Variants in MYO16 observed in about 807,000 individuals in gnomAD.
The protein encoded by MYO16 is myosin XVI.
MYO16 carries 94 observed loss-of-function variants against 205.3 expected under a neutral mutation model. The ratio of observed to expected loss-of-function variants is 0.46; its 90% CI spans 0.39 to 0.54. MYO16 has a LOEUF of 0.54. Ranked by LOEUF, MYO16 falls within the 20% of genes least tolerant of loss-of-function variation. The pLI is 0.00. For missense variants in MYO16, 2,315 were observed against 2,387.5 expected (o/e 0.97, Z 0.63); for synonymous variants, 988 against 954.0 (o/e 1.04, Z -0.66).
intron 25 of MYO16, chr13:109,054,193 G>T: frequency 5.2e-6 from 1 of 192,580 alleles, no homozygotes; most frequent in South Asian, 6.7e-5. Flanking sequence ...CATTTTCACT[G>T]ATTTTATGTC....
intron 12 of MYO16, among the ~76,000 whole-genome samples, chr13:108,868,926 A>G (rs540895347): frequency 6.6e-6 from 1 of 152,086 alleles, no homozygotes; most frequent in Admixed American, 6.5e-5. Flanking sequence ...TCAAAAAAAA[A>G]AAAAAAATCC....
At chr13:109,171,606 T>TTAA (rs1878926092) in intron 33 of MYO16, among the ~76,000 whole-genome samples, 1 of 152,224 alleles carries the variant, frequency 6.6e-6, no homozygotes. Context: ...TTTTGTATAT[T>TTAA]TAATTATTCC....
At chr13:108,601,882 T>C (rs1878776004) in intron 1 of MYO16, among the ~76,000 whole-genome samples, 1 of 152,014 alleles carries the variant, frequency 6.6e-6, no homozygotes, top group Non-Finnish European at 1.5e-5. Flanking sequence ...GACTTTGAAA[T>C]TGGTGCTCTC....
At chr13:109,117,534 CATAT>C (rs1163938990) in intron 28 of MYO16, among the ~76,000 whole-genome samples, 1 of 147,550 alleles carries the variant, frequency 6.8e-6, no homozygotes, top group Non-Finnish European at 1.5e-5. Context: ...TATACACACA[CATAT>C]ATATATAATG....
At chr13:109,012,933 G>A (rs1313194365) in intron 22 of MYO16, among the ~76,000 whole-genome samples, 1 of 151,616 alleles carries the variant, frequency 6.6e-6, no homozygotes, top group Non-Finnish European at 1.5e-5. Flanking sequence ...TTCCTGTTGA[G>A]TAGGATTTTG....
chr13:108,627,065 G>A (rs753174687), upstream of MYO16, among the ~76,000 whole-genome samples: 49 of 149,468 alleles, frequency 3.3e-4, no homozygotes, highest in Non-Finnish European at 5.5e-4. Context: ...ATATAGAGGA[G>A]GAAATTTTAA....
At chr13:108,856,366 T>C (rs1254643640) in intron 11 of MYO16, among the ~76,000 whole-genome samples, 3 of 152,194 alleles carry the variant, frequency 2.0e-5, no homozygotes. Context: ...GTAATTTTCA[T>C]GTAAATGTGA....
At chr13:108,992,600 A>G in intron 21 of MYO16, 152 bp downstream of exon 21, 1 of 551,842 alleles carries the variant, frequency 1.8e-6, no homozygotes, top group Non-Finnish European at 3.1e-6. Context: ...TGGTTTATCA[A>G]TATATTAACC....
chr13:108,979,494 A>ATT (rs1298739198), intron 20 of MYO16, among the ~76,000 whole-genome samples: 2 of 151,968 alleles, frequency 1.3e-5, no homozygotes, highest in East Asian at 3.9e-4. Context: ...CAAACTGGGG[A>ATT]TTTTTTTACC....
At chr13:108,607,638 G>A (rs1055261624) in intron 1 of MYO16, among the ~76,000 whole-genome samples, 1 of 152,062 alleles carries the variant, frequency 6.6e-6, no homozygotes, top group African/African-American at 2.4e-5. Context: ...CTTCATAGCA[G>A]CAGGAAAATA....
At chr13:108,516,316 G>T in the MYO16 span, among the ~76,000 whole-genome samples, 8 of 151,774 alleles carry the variant, frequency 5.3e-5, no homozygotes, top group African/African-American at 1.7e-4. Context: ...GTGAGGCAAT[G>T]CCTCGCCCTG....
intron 9 of MYO16, among the ~76,000 whole-genome samples, chr13:108,827,570 G>A (rs1876345174): frequency 6.6e-6 from 1 of 152,112 alleles, no homozygotes; most frequent in Non-Finnish European, 1.5e-5. Context: ...CATGTTGCCT[G>A]ACTTTCAAGC....
At chr13:108,779,854 C>G (rs1886244012) in intron 4 of MYO16, 1 of 152,242 alleles carries the variant, frequency 6.6e-6, no homozygotes, top group Non-Finnish European at 1.5e-5. Context: ...AAGGAGGACC[C>G]TCCGGAGGCC....
intron 1 of MYO16, among the ~76,000 whole-genome samples, chr13:108,633,076 G>A (rs1305045280): frequency 6.6e-6 from 1 of 152,014 alleles, no homozygotes; most frequent in African/African-American, 2.4e-5. Context: ...GTTTGCAGCA[G>A]GAGGAAGGTT....
At position 108,961,669 on chromosome 13, in the gene MYO16, T is replaced by C; in HGVS notation, c.2155+13T>C. The C allele has an allele frequency of 1.3e-6, 2 of 1,581,678 alleles. No homozygotes were observed. Among genetic ancestry groups the C allele is most frequent in the Non-Finnish European group, 1.7e-6 (2 of 1,150,500 alleles). The stretch of plus-strand genomic sequence containing the variant: ...CTCCTGGAACAAGGTCAGTGGAACA[T>C]GACCTTCTGACATTAACCACATTGA... On this transcript the variant is annotated intron_variant, in intron 18 of 34. Transcript: ENST00000457511.
intron 1 of MYO16, among the ~76,000 whole-genome samples, chr13:108,657,971 T>C (rs1465604040): frequency 6.6e-6 from 1 of 152,286 alleles, no homozygotes; most frequent in South Asian, 2.1e-4. Flanking sequence ...CATTCATGGG[T>C]TCATTTTGCT....
At chr13:108,498,613 C>A in the MYO16 span, among the ~76,000 whole-genome samples, 3 of 152,058 alleles carry the variant, frequency 2.0e-5, no homozygotes, top group East Asian at 1.9e-4. Context: ...GTGAAGAGAT[C>A]AAGAAAAAAC....
intron 20 of MYO16, among the ~76,000 whole-genome samples, chr13:108,977,406 G>A (rs1884302015): frequency 6.6e-6 from 1 of 152,132 alleles, no homozygotes; most frequent in Non-Finnish European, 1.5e-5. Context: ...ATTGCAAGGA[G>A]AACGATTATT....
chr13:109,114,247 A>C (rs754789257), intron 28 of MYO16, among the ~76,000 whole-genome samples: 16 of 152,214 alleles, frequency 1.1e-4, no homozygotes, highest in Admixed American at 2.0e-4. Flanking sequence ...CACCGACATC[A>C]TTTAGGAATG....
Sources: allele counts gnomAD v4.1 joint callset (sites outside exome capture counted in the v4.1 genomes callset), GRCh38; gene constraint gnomAD v4.1.1; transcripts MANE v1.5; gene names NCBI Gene and HGNC (gene_info 2026-07-23, HGNC 2026-07-21).